CDH2: variants seen among roughly 807,000 people sequenced by gnomAD.
CDH2 encodes the protein cadherin 2, also known as cadherin-2.
Under a neutral mutation model 92.0 loss-of-function variants are expected in CDH2, and 17 were observed. The observed-to-expected ratio is 0.18, with a 90% CI of 0.13 to 0.28. CDH2 has a LOEUF of 0.28. Among genes scored for constraint, CDH2 ranks in the 10% least tolerant of loss-of-function variants. The pLI is 1.00. For missense variants in CDH2, 862 were observed against 1,133.1 expected (o/e 0.76, Z 3.44); for synonymous variants, 419 against 415.9 (o/e 1.01, Z -0.09).
chr18:27,991,778 C>T (rs573008029), intron 9 of CDH2, among the ~76,000 whole-genome samples: 7 of 152,126 alleles, frequency 4.6e-5, no homozygotes, highest in Admixed American at 6.5e-5. Flanking sequence ...ATTCTACTCC[C>T]GCATCTGCAT....
downstream of CDH2, among the ~76,000 whole-genome samples, chr18:27,950,427 C>T (rs1567931827): frequency 6.6e-6 from 1 of 152,016 alleles, no homozygotes. Context: ...CCTCTGCAAC[C>T]ATTACTATAT....
intron 8 of CDH2, 92 bp downstream of exon 8, chr18:27,993,408 C>T (rs1035899058): frequency 5.4e-5 from 68 of 1,269,518 alleles, no homozygotes; most frequent in Non-Finnish European, 7.4e-5. Context: ...GAAGCAAGTT[C>T]CACCTCTATT....
At chr18:28,155,259 G>A (rs1416162744) in intron 1 of CDH2, among the ~76,000 whole-genome samples, 2 of 151,960 alleles carry the variant, frequency 1.3e-5, no homozygotes, top group Non-Finnish European at 2.9e-5. Context: ...CTGTGCTTCA[G>A]CTTCCTCCTC....
At chr18:27,949,887 C>T (rs951843675), downstream of CDH2, among the ~76,000 whole-genome samples, 1 of 151,670 alleles carries the variant, frequency 6.6e-6, no homozygotes, top group Admixed American at 6.6e-5. Context: ...TATACATATA[C>T]ACACTAGATA....
At chr18:28,072,161 T>A (rs115058380) in intron 2 of CDH2, among the ~76,000 whole-genome samples, 1 of 152,120 alleles carries the variant, frequency 6.6e-6, no homozygotes, top group African/African-American at 2.4e-5. Flanking sequence ...CTCTCCCATT[T>A]TCGTGCGTTT....
intron 2 of CDH2, among the ~76,000 whole-genome samples, chr18:28,140,221 G>T (rs1222949115): frequency 6.6e-6 from 1 of 151,904 alleles, no homozygotes; most frequent in Non-Finnish European, 1.5e-5. Flanking sequence ...AAAAAATATA[G>T]GGGTAAATCT....
chr18:28,155,280 A>C (rs1325270005), intron 1 of CDH2, among the ~76,000 whole-genome samples: 1 of 152,136 alleles, frequency 6.6e-6, no homozygotes, highest in Non-Finnish European at 1.5e-5. Context: ...TGTAATAATA[A>C]TAATAATAGC....
At chr18:27,947,372 G>A (rs1200328737), downstream of CDH2, among the ~76,000 whole-genome samples, 1 of 151,730 alleles carries the variant, frequency 6.6e-6, no homozygotes, top group Non-Finnish European at 1.5e-5. Flanking sequence ...TGTGAAAAGT[G>A]AGAATATTAT....
At chr18:28,140,176 A>C (rs1472574919) in intron 2 of CDH2, among the ~76,000 whole-genome samples, 1 of 152,026 alleles carries the variant, frequency 6.6e-6, no homozygotes, top group Non-Finnish European at 1.5e-5. Flanking sequence ...TCAATTACCT[A>C]AATATGAGTG....
intron 2 of CDH2, among the ~76,000 whole-genome samples, chr18:28,031,204 T>C (rs904575169): frequency 2.6e-5 from 4 of 151,788 alleles, no homozygotes; most frequent in South Asian, 2.1e-4. Context: ...ACCAACTCCA[T>C]TGTAGTTTCA....
At chr18:27,968,690 A>G (rs1339617400) in intron 14 of CDH2, among the ~76,000 whole-genome samples, 2 of 152,242 alleles carry the variant, frequency 1.3e-5, no homozygotes, top group Non-Finnish European at 2.9e-5. Flanking sequence ...GGCTGGTTCA[A>G]GTGGAACATT....
rs146386375 is a variant in CDH2, at chr18:28,147,775, C to G, written c.70G>C (p.Glu24Gln). Residue 24 changes from glutamate (E) to glutamine (Q), a missense_variant, in exon 2 of 16, where the codon GAG (glutamate) becomes CAG (glutamine). By Grantham distance (29) the Glu-to-Gln change is conservative. Coordinates refer to ENST00000269141, the MANE Select transcript of CDH2 (RefSeq NM_001792.5). ...LLAALLQASV[E>Q]ASGEIALCKT... ...CATAATGCGATTTCACCAGAAGCCT[C>G]TACAGACGCCTGCAACACAAGAAAA... 2.5e-4 allele frequency: 397 copies of G among 1,590,136 alleles called. No individual in the cohort carries two copies. Among genetic ancestry groups the G allele is most frequent in the Non-Finnish European group, 3.2e-4 (376 of 1,164,924 alleles).
At chr18:28,036,549 G>A (rs1411174496) in intron 2 of CDH2, 3 of 1,598,544 alleles carry the variant, frequency 1.9e-6, no homozygotes, top group Admixed American at 1.7e-5. Context: ...ATAAAAACAT[G>A]CCATCAAGTT....
intron 2 of CDH2, among the ~76,000 whole-genome samples, chr18:28,094,168 T>G (rs1317340304): frequency 6.6e-6 from 1 of 152,110 alleles, no homozygotes; most frequent in Non-Finnish European, 1.5e-5. Context: ...TTGGAGTTCC[T>G]CAACTATAAA....
rs2016560008 is a variant in CDH2, at chr18:28,177,082, G to A, written c.-60C>T. 8.6e-7 allele frequency: 1 copy of A among 1,164,262 alleles called. No homozygotes were observed. Among genetic ancestry groups the A allele is most frequent in the South Asian group, 1.5e-5 (1 of 67,102 alleles). 72.1% of individuals were successfully genotyped at this position (1,164,262 alleles called of 1,614,324 possible). The stretch of plus-strand genomic sequence containing the variant: ...AGGCGGCGGCGGCGGCGGCGGCGGC[G>A]GAGGAGGAGGAGGCAGCGGCAGCAC... On this transcript the variant is annotated 5_prime_UTR_variant, in exon 1 of 16. Coordinates refer to ENST00000269141, the MANE Select transcript of CDH2 (RefSeq NM_001792.5).
In CDH2 at chr18:28,043,890, A is replaced by ATTTTTTTTTTTTTTTT. The variant is rs67532914; in HGVS notation, c.173-29997_173-29982dup. On this transcript the variant is annotated intron_variant, in intron 2 of 15. Transcript: ENST00000269141. Reference sequence around the variant, plus strand: ...AGTCTCATCTTTCTCAGAATCTCGGATTTTTTTTTTTTTTTTTTTTTTTTT... The same window carrying ATTTTTTTTTTTTTTTT: ...AGTCTCATCTTTCTCAGAATCTCGGATTTTTTTTTTTTTTTTTTTTTTTTTTTTTTTTTTTTTTTTT... 1.7e-4 allele frequency among the ~76,000 whole-genome samples: 16 copies of ATTTTTTTTTTTTTTTT among 91,468 alleles called. 2 individuals carry two copies. The highest frequency in any genetic ancestry group is 2.2e-4 in the Non-Finnish European group (10 of 46,002). The allele number at this position is 91,468 out of a possible 152,430, so 60.0% of individuals were successfully genotyped here.
chr18:27,972,976 AGT>A (rs770861778), intron 14 of CDH2, among the ~76,000 whole-genome samples: 47 of 152,180 alleles, frequency 3.1e-4, no homozygotes, highest in Non-Finnish European at 5.3e-4. Context: ...ACGTTAAAAA[AGT>A]GTGAGAGTGT....
At chr18:28,005,716 C>T in intron 6 of CDH2, 133 bp downstream of exon 6, 1 of 610,544 alleles carries the variant, frequency 1.6e-6, no homozygotes, top group Non-Finnish European at 2.7e-6. Flanking sequence ...TTCCTTCTTT[C>T]CCAAAAGCAT....
intron 2 of CDH2, among the ~76,000 whole-genome samples, chr18:28,042,224 G>A (rs1368907994): frequency 6.6e-6 from 1 of 152,072 alleles, no homozygotes; most frequent in Admixed American, 6.6e-5. Context: ...CTTATTCATA[G>A]ACAAGTTTTT....
Sources: allele counts gnomAD v4.1 joint callset (sites outside exome capture counted in the v4.1 genomes callset), GRCh38; gene constraint gnomAD v4.1.1; transcripts MANE v1.5; gene names NCBI Gene and HGNC (gene_info 2026-07-23, HGNC 2026-07-21).